Variants in GPC6 observed in about 807,000 individuals in gnomAD.
GPC6 encodes glypican 6.
A neutral mutation model predicts 55.2 loss-of-function variants in GPC6; 14 were observed. The observed-to-expected ratio is 0.25, with a 90% confidence interval of 0.17 to 0.40. The LOEUF is 0.40. GPC6 is among the 10% of genes least tolerant of loss of function. The probability of loss-of-function intolerance (pLI) is 1.00; values close to 1 mark genes in which losing one functional copy is unlikely to be tolerated. For synonymous variants in GPC6, 278 were observed against 259.6 expected (o/e 1.07, Z -0.68); for missense variants, 641 against 708.5 (o/e 0.90, Z 1.08).
At chr13:94,004,816 G>T (rs1172934897) in intron 3 of GPC6, among the ~76,000 whole-genome samples, 1 of 152,072 alleles carries the variant, frequency 6.6e-6, no homozygotes, top group Non-Finnish European at 1.5e-5. Flanking sequence ...CAGCACTTTG[G>T]GAGGCTGAGG....
chr13:93,823,009 G>A (rs1887110381), intron 2 of GPC6, among the ~76,000 whole-genome samples: 1 of 151,610 alleles, frequency 6.6e-6, no homozygotes, highest in African/African-American at 2.4e-5. Context: ...GACTATGGGT[G>A]CCTGCCACTA....
intron 2 of GPC6, among the ~76,000 whole-genome samples, chr13:93,758,634 A>G (rs1457953695): frequency 6.6e-6 from 1 of 151,614 alleles, no homozygotes; most frequent in Non-Finnish European, 1.5e-5. Context: ...CTACACATAT[A>G]GGCCTTTTTT....
intron 4 of GPC6, among the ~76,000 whole-genome samples, chr13:94,129,084 G>A (rs879428799): frequency 2.0e-4 from 31 of 152,120 alleles, no homozygotes; most frequent in Admixed American, 2.0e-3. Flanking sequence ...TTATTAAATT[G>A]TGGCATTTAT....
intron 1 of GPC6, among the ~76,000 whole-genome samples, chr13:93,479,321 G>T (rs1164163384): frequency 6.6e-6 from 1 of 152,090 alleles, no homozygotes; most frequent in African/African-American, 2.4e-5. Flanking sequence ...TCTGAGCTTG[G>T]AAGCAAACCT....
chr13:93,621,056 G>A (rs972009974), intron 2 of GPC6, among the ~76,000 whole-genome samples: 1 of 152,160 alleles, frequency 6.6e-6, no homozygotes, highest in South Asian at 2.1e-4. Flanking sequence ...TAACAGTTAT[G>A]GTGGTGACGA....
At chr13:93,376,614 C>A (rs775893064) in intron 1 of GPC6, among the ~76,000 whole-genome samples, 1 of 152,110 alleles carries the variant, frequency 6.6e-6, no homozygotes, top group Non-Finnish European at 1.5e-5. Context: ...ACAGAACACC[C>A]GACATGATTG....
chr13:93,605,542 A>T (rs1878200720), intron 2 of GPC6, among the ~76,000 whole-genome samples: 1 of 152,158 alleles, frequency 6.6e-6, no homozygotes. Context: ...TGACTGAAAG[A>T]GTGAAGGCTG....
intron 2 of GPC6, among the ~76,000 whole-genome samples, chr13:93,551,033 T>C (rs1436673069): frequency 6.6e-6 from 1 of 152,132 alleles, no homozygotes; most frequent in Non-Finnish European, 1.5e-5. Context: ...AAGTTTTCTA[T>C]GTAGTGGCAT....
chr13:94,085,724 C>T (rs1462806948), intron 4 of GPC6, among the ~76,000 whole-genome samples: 1 of 152,198 alleles, frequency 6.6e-6, no homozygotes, highest in Non-Finnish European at 1.5e-5. Flanking sequence ...AAATAGGTAA[C>T]TTGTTCCCAC....
intron 4 of GPC6, among the ~76,000 whole-genome samples, chr13:94,276,450 G>A (rs750163413): frequency 4.7e-5 from 7 of 150,032 alleles, no homozygotes; most frequent in Non-Finnish European, 8.9e-5. Context: ...AGGGACCAGC[G>A]TATGAAGGGC....
intron 4 of GPC6, among the ~76,000 whole-genome samples, chr13:94,220,781 T>C (rs188407756): frequency 6.6e-6 from 1 of 152,210 alleles, no homozygotes; most frequent in Non-Finnish European, 1.5e-5. Flanking sequence ...TGTCCACATT[T>C]CCTATGTCAA....
chr13:94,205,401 G>C lies in GPC6; in HGVS notation c.878-80948G>C, dbSNP rs1889871382. 2.6e-5 allele frequency among the ~76,000 whole-genome samples: 4 copies of C among 152,294 alleles called. No individual in the cohort carries two copies. The South Asian group carries it at 8.3e-4, about 32-fold the overall frequency. ...GCCAGTATTGACAGGAGTCAACTTAGAGTTTGTCTGTTTATTTGATGTTTA... is the reference window on the plus strand; with the variant it reads ...GCCAGTATTGACAGGAGTCAACTTACAGTTTGTCTGTTTATTTGATGTTTA... On this transcript the variant is annotated intron_variant, in intron 4 of 8. Transcript: ENST00000377047.
At chr13:94,022,911 A>C (rs1297252527) in intron 3 of GPC6, among the ~76,000 whole-genome samples, 1 of 152,104 alleles carries the variant, frequency 6.6e-6, no homozygotes, top group Non-Finnish European at 1.5e-5. Context: ...GATTATGAAT[A>C]GCATGTAAAA....
intron 6 of GPC6, among the ~76,000 whole-genome samples, chr13:94,320,852 G>A (rs1283668533): frequency 2.0e-5 from 3 of 152,148 alleles, no homozygotes; most frequent in African/African-American, 7.2e-5. Context: ...GAAATGTGCA[G>A]GAAAATACAC....
At chr13:93,357,955 C>T (rs140714354) in intron 1 of GPC6, among the ~76,000 whole-genome samples, 145 of 152,310 alleles carry the variant, frequency 9.5e-4, no homozygotes, top group African/African-American at 3.3e-3. Context: ...CAGGAAGTGA[C>T]TGCTTACGAG....
chr13:94,139,108 C>G (rs1887281972), intron 4 of GPC6, among the ~76,000 whole-genome samples: 1 of 151,510 alleles, frequency 6.6e-6, no homozygotes. Flanking sequence ...GATGCATTTG[C>G]TGGAGAGGGT....
At position 93,664,780 on chromosome 13, in the gene GPC6, G is replaced by A. The variant is rs534162703; in HGVS notation, c.319+119359G>A. On this transcript the variant is annotated intron_variant, in intron 2 of 8. Coordinates refer to ENST00000377047, the MANE Select transcript of GPC6 (RefSeq NM_005708.5). Reference sequence around the variant, plus strand: ...TTACAGGCATGCGCCACCACGCCTGGCACACAAGCCACTTTCTAAACATTT... The same window carrying A: ...TTACAGGCATGCGCCACCACGCCTGACACACAAGCCACTTTCTAAACATTT... 2.0e-3 allele frequency among the ~76,000 whole-genome samples: 312 copies of A among 152,208 alleles called. 9 individuals are homozygous for A. Among genetic ancestry groups the A allele is most frequent in the Admixed American group, 0.02 (307 of 15,286 alleles).
chr13:93,804,802 C>A (rs1886491954), intron 2 of GPC6, among the ~76,000 whole-genome samples: 1 of 151,984 alleles, frequency 6.6e-6, no homozygotes, highest in Admixed American at 6.6e-5. Flanking sequence ...AACTCCAGTC[C>A]AGTTTGGGCT....
At chr13:93,279,829 G>A (rs1434672463) in intron 1 of GPC6, among the ~76,000 whole-genome samples, 2 of 152,136 alleles carry the variant, frequency 1.3e-5, no homozygotes, top group Non-Finnish European at 2.9e-5. Context: ...TGAAAACTTT[G>A]CTTACTTTAC....
Sources: allele counts gnomAD v4.1 joint callset (sites outside exome capture counted in the v4.1 genomes callset), GRCh38; gene constraint gnomAD v4.1.1; transcripts MANE v1.5; gene names NCBI Gene and HGNC (gene_info 2026-07-23, HGNC 2026-07-21).